The following APC variants were observed in gnomAD, a reference collection of about 807,000 sequenced individuals.
APC encodes APC regulator of Wnt signaling pathway, also known as adenomatous polyposis coli protein.
A neutral mutation model predicts 247.0 loss-of-function variants in APC; 72 were observed. The observed-to-expected ratio is 0.29, with a 90% CI of 0.24 to 0.35. The LOEUF is 0.35. Ranked by LOEUF, APC falls within the 10% of genes least tolerant of loss-of-function variation. The probability of loss-of-function intolerance (pLI) is 1.00; values close to 1 mark genes in which losing one functional copy is unlikely to be tolerated. For synonymous variants in APC, 1,254 were observed against 1,162.5 expected (o/e 1.08, Z -1.60); for missense variants, 3,400 against 3,360.7 (o/e 1.01, Z -0.29).
intron 1 of APC, among the ~76,000 whole-genome samples, chr5:112,743,478 T>C (rs1301478567): frequency 6.6e-6 from 1 of 152,240 alleles, no homozygotes; most frequent in Non-Finnish European, 1.5e-5. Context: ...TGTGTGTTAC[T>C]TTCTTTTGGT....
At chr5:112,779,896 T>C (rs1758136137) in intron 5 of APC, among the ~76,000 whole-genome samples, 1 of 152,212 alleles carries the variant, frequency 6.6e-6, no homozygotes, top group South Asian at 2.1e-4. Context: ...TTGGAGTTCT[T>C]GGACCAGAAT....
rs74983686 is a variant in APC, at chr5:112,836,178, C to T, written c.1958+1013C>T. ...TGGGATTACAGGTCCCCCCCCCCCC[C>T]CGCCACCGTGCCCGGCTAATTTTTA... is the stretch of plus-strand genomic sequence containing the variant. On this transcript the variant is annotated intron_variant, in intron 15 of 15. Transcript: ENST00000257430. Among the ~76,000 whole-genome samples the T allele has an allele frequency of 0.058, 5,107 of 88,080 alleles. 642 individuals are homozygous for T. The highest frequency in any genetic ancestry group is 0.21 in the East Asian group (401 of 1,874). 57.8% of individuals were successfully genotyped at this position (88,080 alleles called of 152,430 possible). A position where few individuals can be genotyped will look rare whatever the true frequency, so the allele number is the denominator to read the frequency against.
rs1580677965 is a variant in APC at position 112,842,652 on chromosome 5, C to T, written c.7058C>T (p.Thr2353Ile). The T allele has an allele frequency of 6.2e-7, 1 of 1,613,810 alleles. No homozygotes were observed. ...CTTCCAAGGACATCATCCCCTAGTA[C>T]TGCTTCAACTAAGTCCTCAGGTTCT... Reference protein sequence around the residue: ...SQLPRTSSPSTASTKSSGSGK... With the variant: ...SQLPRTSSPSIASTKSSGSGK... Residue 2353 changes from threonine to isoleucine, a missense_variant, in exon 16 of 16, where the codon ACT becomes ATT. Coordinates refer to ENST00000257430, the MANE Select transcript of APC (RefSeq NM_000038.6).
At chr5:112,727,899 C>T (rs1008038411) in intron 1 of APC, among the ~76,000 whole-genome samples, 1 of 151,526 alleles carries the variant, frequency 6.6e-6, no homozygotes, top group Non-Finnish European at 1.5e-5. Flanking sequence ...TTGAAGAAGA[C>T]ATACTTAAAT....
intron 11 of APC, among the ~76,000 whole-genome samples, chr5:112,826,601 AC>A (rs139232022): frequency 0.51 from 63,966 of 126,196 alleles, 16,441 homozygotes; most frequent in East Asian, 0.64. Flanking sequence ...AAAAAAAAAA[AC>A]AAAACTTTTT....
chr5:112,759,950 A>C (rs997534045), intron 2 of APC, among the ~76,000 whole-genome samples: 2 of 152,186 alleles, frequency 1.3e-5, no homozygotes, highest in Non-Finnish European at 2.9e-5. Flanking sequence ...AATCTGTCCC[A>C]CTCAAAAACT....
rs1060504895 is a variant in APC at position 112,844,000 on chromosome 5, A to G, written c.8406A>G (p.Pro2802=). Residue 2802 remains proline, a synonymous_variant, in exon 16 of 16, where the codon CCA becomes CCG. Transcript: ENST00000257430. The surrounding 1 kb of genome is among the most constrained non-coding windows in gnomAD (Gnocchi z 4.8). The part of the protein sequence containing the change: ...KSSADSTSAR[P]SQIPTPVNNN... Reference sequence around the variant, plus strand: ...GCGCAGATAGCACTTCAGCTCGGCCATCTCAGATCCCAACTCCAGTGAATA... The same window carrying G: ...GCGCAGATAGCACTTCAGCTCGGCCGTCTCAGATCCCAACTCCAGTGAATA... The G allele has an allele frequency of 2.5e-6, 4 of 1,600,772 alleles. No individual in the cohort carries two copies. The highest frequency in any genetic ancestry group is 2.6e-6 in the Non-Finnish European group (3 of 1,174,980).
intron 8 of APC, among the ~76,000 whole-genome samples, chr5:112,805,700 T>G (rs1761310102): frequency 6.6e-6 from 1 of 152,174 alleles, no homozygotes; most frequent in South Asian, 2.1e-4. Context: ...TTTGTTTTGT[T>G]TTATTATTTG....
At chr5:112,825,520 A>G (rs930304975) in intron 11 of APC, among the ~76,000 whole-genome samples, 1 of 152,136 alleles carries the variant, frequency 6.6e-6, no homozygotes, top group Non-Finnish European at 1.5e-5. Context: ...CTTTGCTTAG[A>G]ACGCATCTTT....
At chr5:112,720,731 T>C (rs1392508497) in intron 1 of APC, among the ~76,000 whole-genome samples, 2 of 152,180 alleles carry the variant, frequency 1.3e-5, no homozygotes, top group Admixed American at 1.3e-4. Context: ...CCAGGAGACA[T>C]AGTAGCCCTG....
At chr5:112,821,384 G>C (rs1580539790) in intron 10 of APC, among the ~76,000 whole-genome samples, 1 of 151,976 alleles carries the variant, frequency 6.6e-6, no homozygotes, top group African/African-American at 2.4e-5. Flanking sequence ...GGGTATGCCT[G>C]TAGTCCTAGC....
chr5:112,761,994 C>G (rs1284121026), intron 2 of APC, among the ~76,000 whole-genome samples: 1 of 152,124 alleles, frequency 6.6e-6, no homozygotes, highest in Non-Finnish European at 1.5e-5. Context: ...TGACCAAAGG[C>G]TCAGTTCAGA....
chr5:112,804,475 T>C (rs1220494251), intron 8 of APC, among the ~76,000 whole-genome samples: 2 of 152,038 alleles, frequency 1.3e-5, no homozygotes, highest in Non-Finnish European at 2.9e-5. Context: ...CTCCACCTCC[T>C]AGGTTCAAGC....
intron 8 of APC, among the ~76,000 whole-genome samples, chr5:112,814,926 C>T (rs1235132444): frequency 1.3e-5 from 2 of 152,224 alleles, no homozygotes; most frequent in Non-Finnish European, 2.9e-5. Flanking sequence ...TATACAGCCT[C>T]TAATAGTCCC....
intron 4 of APC, among the ~76,000 whole-genome samples, chr5:112,769,759 C>G (rs181356608): frequency 1.3e-5 from 2 of 152,186 alleles, no homozygotes; most frequent in Admixed American, 1.3e-4. Context: ...ATAGGAAATG[C>G]CCAGCATATC....
intron 4 of APC, among the ~76,000 whole-genome samples, chr5:112,774,535 A>G (rs1407799531): frequency 7.2e-6 from 1 of 138,874 alleles, no homozygotes; most frequent in Non-Finnish European, 1.5e-5. Flanking sequence ...ATCTCAGCTC[A>G]CTGCAGCCTT....
At chr5:112,714,015 A>G (rs902464240) in intron 1 of APC, among the ~76,000 whole-genome samples, 3 of 152,222 alleles carry the variant, frequency 2.0e-5, no homozygotes, top group Non-Finnish European at 4.4e-5. Context: ...TTAAAAATGA[A>G]TTATTATGTA....
At chr5:112,803,838 TC>T (rs961064667) in intron 8 of APC, among the ~76,000 whole-genome samples, 7 of 152,320 alleles carry the variant, frequency 4.6e-5, no homozygotes, top group Non-Finnish European at 7.3e-5. Flanking sequence ...TGTTGCCTTT[TC>T]TAGTATATCC....
rs769631477 is a variant in APC at position 112,840,260 on chromosome 5, A to T, written c.4666A>T (p.Thr1556Ser). The T allele has an allele frequency of 1.2e-6, 2 of 1,614,132 alleles. No individual in the cohort carries two copies. Among genetic ancestry groups the T allele is most frequent in the Non-Finnish European group, 1.7e-6 (2 of 1,180,002 alleles). ...AAACCAAGAGAAAGAGGCAGAAAAA[A>T]CTATTGATTCTGAAAAGGACCTATT... ...NENQEKEAEK[T>S]IDSEKDLLDD... Residue 1556 changes from threonine to serine, a missense_variant, in exon 16 of 16, where the codon ACT becomes TCT. Thr to Ser is a moderately conservative substitution (Grantham distance 58, BLOSUM62 1). Coordinates refer to ENST00000257430, the MANE Select transcript of APC (RefSeq NM_000038.6). This position sits in a 1 kb window ranked among gnomAD's most constrained non-coding sequence, Gnocchi z 4.1.
Sources: allele counts gnomAD v4.1 joint callset (sites outside exome capture counted in the v4.1 genomes callset), GRCh38; gene constraint gnomAD v4.1.1; non-coding constraint Gnocchi (gnomAD v3.1); transcripts MANE v1.5; gene names NCBI Gene and HGNC (gene_info 2026-07-23, HGNC 2026-07-21).